Variants in TRIM27 observed in about 807,000 individuals in gnomAD.
TRIM27 encodes the protein tripartite motif containing 27, also known as zinc finger protein RFP.
TRIM27 carries 12 observed loss-of-function variants against 57.6 expected under a neutral mutation model. The ratio of observed to expected loss-of-function variants is 0.21; its 90% confidence interval spans 0.13 to 0.34. The LOEUF (loss-of-function observed/expected upper bound fraction) is 0.34. Ranked by LOEUF, TRIM27 falls within the 10% of genes least tolerant of loss-of-function variation. The pLI is 1.00. For missense variants in TRIM27, 403 were observed against 656.8 expected (o/e 0.61, Z 4.22); for synonymous variants, 266 against 259.0 (o/e 1.03, Z -0.26).
chr6:28,911,767 C>T (rs750227731), intron 3 of TRIM27, 49 bp from the exon 4 acceptor site: 28 of 1,595,932 alleles, frequency 1.8e-5, no homozygotes, highest in South Asian at 5.7e-5. Context: ...TTTAAAACTT[C>T]GGTTTTCTTT....
chr6:28,909,947 G>A (rs774778603), intron 4 of TRIM27, among the ~76,000 whole-genome samples: 1 of 152,016 alleles, frequency 6.6e-6, no homozygotes, highest in African/African-American at 2.4e-5. Context: ...GAAGTAAGAC[G>A]TATCTCATGG....
At chr6:28,906,266 T>G (rs1772762365) in intron 7 of TRIM27, 1 of 152,046 alleles carries the variant, frequency 6.6e-6, no homozygotes, top group South Asian at 2.1e-4. Flanking sequence ...CTGATATGTA[T>G]TCTCTCATTT....
At chr6:28,909,910 A>AC (rs901115089) in intron 4 of TRIM27, among the ~76,000 whole-genome samples, 1 of 152,032 alleles carries the variant, frequency 6.6e-6, no homozygotes, top group African/African-American at 2.4e-5. Flanking sequence ...GCTAGATGTG[A>AC]CCTTGTGACT....
chr6:28,920,849 G>T (rs1037161097), intron 2 of TRIM27, among the ~76,000 whole-genome samples: 1 of 152,128 alleles, frequency 6.6e-6, no homozygotes, highest in African/African-American at 2.4e-5. Flanking sequence ...ATGGAGGATG[G>T]AACAACCAAT....
At chr6:28,908,297 T>G (rs1227005172) in intron 6 of TRIM27, 1 of 157,804 alleles carries the variant, frequency 6.3e-6, no homozygotes, top group East Asian at 1.8e-4. Context: ...AGGAAATTAC[T>G]TGTTGAATCC....
At position 28,908,697 on chromosome 6, in the gene TRIM27, G is replaced by C. The variant is rs1410319075; in HGVS notation, c.919+111C>G. 5 of 906,452 alleles carry C rather than the reference G, an allele frequency of 5.5e-6. No individual in the cohort carries two copies. The Admixed American group carries it at 7.6e-5, about 14-fold the overall frequency. 56.2% of individuals were successfully genotyped at this position (906,452 alleles called of 1,614,324 possible). A position where few individuals can be genotyped will look rare whatever the true frequency, so the allele number is the denominator to read the frequency against. On this transcript the variant is annotated intron_variant, in intron 6 of 7. Transcript: ENST00000377199. Reference sequence around the variant, plus strand: ...CCAAAGGGAAGATGTAAAATATCAGGGAAGGCTGGCCAATGGGTATCACCC... The same window carrying C: ...CCAAAGGGAAGATGTAAAATATCAGCGAAGGCTGGCCAATGGGTATCACCC...
intron 7 of TRIM27, chr6:28,906,553 G>C (rs928274893): frequency 6.6e-6 from 1 of 152,124 alleles, no homozygotes; most frequent in East Asian, 1.9e-4. Flanking sequence ...AGGCAGTGTA[G>C]GATACAAGCA....
chr6:28,919,815 TG>T (rs1298724893), intron 3 of TRIM27, among the ~76,000 whole-genome samples, 196 bp downstream of exon 3: 1 of 152,228 alleles, frequency 6.6e-6, no homozygotes, highest in Non-Finnish European at 1.5e-5. Context: ...ACAACGCAAT[TG>T]ACTAATTCAA....
rs757070636 is a variant in TRIM27, at chr6:28,908,992, C to T, written c.867G>A (p.Glu289=). 1 of 1,613,894 alleles carries T rather than the reference C, an allele frequency of 6.2e-7. No individual in the cohort carries two copies. The highest frequency in any genetic ancestry group is 1.1e-5 in the South Asian group (1 of 91,024). The part of the protein sequence containing the change: ...IFAQKCLFLT[E]SLKQFTEKMQ... Reference sequence around the variant, plus strand: ...CATTACCTGTGAACTGCTTTAGACTCTCCGTCAAGAATAGACATTTTTGGG... The same window carrying T: ...CATTACCTGTGAACTGCTTTAGACTTTCCGTCAAGAATAGACATTTTTGGG... The change falls in exon 5 of 8, where the codon GAG becomes GAA. Residue 289 remains glutamate, a synonymous_variant. Coordinates refer to ENST00000377199, the MANE Select transcript of TRIM27 (RefSeq NM_006510.5).
At chr6:28,914,871 T>C (rs1413559871) in intron 3 of TRIM27, 3 of 152,154 alleles carry the variant, frequency 2.0e-5, no homozygotes, top group African/African-American at 4.8e-5. Flanking sequence ...ATAAATTTAT[T>C]CCCAGATATT....
At chr6:28,922,331 T>C (rs929657601) in intron 1 of TRIM27, among the ~76,000 whole-genome samples, 4 of 152,206 alleles carry the variant, frequency 2.6e-5, no homozygotes, top group African/African-American at 9.6e-5. Context: ...AACTATGTTG[T>C]ATTGTAGCTC....
chr6:28,915,762 G>A (rs1271653570), intron 3 of TRIM27: 1 of 152,128 alleles, frequency 6.6e-6, no homozygotes, highest in Non-Finnish European at 1.5e-5. Context: ...AATGTTCACA[G>A]CAGCACTATT....
Position 28,904,864 on chromosome 6 carries a change from A to G in TRIM27, c.947-199T>C. 1.8e-6 allele frequency: 1 copy of G among 567,908 alleles called. No individual in the cohort carries two copies. Among genetic ancestry groups the G allele is most frequent in the South Asian group, 2.5e-5 (1 of 39,430 alleles). 35.2% of individuals were successfully genotyped at this position (567,908 alleles called of 1,614,324 possible). ...GGTTACCAGAATACTCTGAAAATACAGAATTTTAGCCCCGTATCTTTTCTT... is the reference window on the plus strand; with the variant it reads ...GGTTACCAGAATACTCTGAAAATACGGAATTTTAGCCCCGTATCTTTTCTT... On this transcript the variant is annotated intron_variant, in intron 7 of 7. Transcript: ENST00000377199. This position sits in a 1 kb window ranked among gnomAD's most constrained non-coding sequence, Gnocchi z 6.1.
chr6:28,903,222 G>T lies in TRIM27; in HGVS notation c.*848C>A. The T allele has an allele frequency of 4.3e-6, 1 of 232,904 alleles. No individual in the cohort carries two copies. Among genetic ancestry groups the T allele is most frequent in the Non-Finnish European group, 8.5e-6 (1 of 117,872 alleles). The allele number at this position is 232,904 out of a possible 1,614,324, so 14.4% of individuals were successfully genotyped here. A position where few individuals can be genotyped will look rare whatever the true frequency, so the allele number is the denominator to read the frequency against. On this transcript the variant is annotated 3_prime_UTR_variant, in exon 8 of 8. Coordinates refer to ENST00000377199, the MANE Select transcript of TRIM27 (RefSeq NM_006510.5). ...CCCCCAAAGGAAATGGAGAAAAGGA[G>T]CCAAGAAGTCAATGAATCCCTGGAA...
intron 4 of TRIM27, among the ~76,000 whole-genome samples, chr6:28,910,122 T>TAAA (rs1773074924): frequency 1.4e-4 from 2 of 13,878 alleles, no homozygotes; most frequent in African/African-American, 4.6e-4. Context: ...AAAAGAAAAA[T>TAAA]GAAAAAAAAA....
intron 1 of TRIM27, among the ~76,000 whole-genome samples, 155 bp from the exon 2 acceptor site, chr6:28,922,142 C>G (rs945929494): frequency 1.3e-5 from 2 of 152,126 alleles, no homozygotes; most frequent in African/African-American, 2.4e-5. Context: ...AGACTCAGGG[C>G]GCAGGGGCAA....
At chr6:28,905,422 C>G (rs1356317731) in intron 7 of TRIM27, 1 of 152,094 alleles carries the variant, frequency 6.6e-6, no homozygotes, top group African/African-American at 2.4e-5. Flanking sequence ...GGTTTTGATG[C>G]TATAATTAAT....
chr6:28,915,736 TCTA>T (rs1290193716), intron 3 of TRIM27: 2 of 152,260 alleles, frequency 1.3e-5, no homozygotes, highest in Non-Finnish European at 2.9e-5. Context: ...TGAACCATTT[TCTA>T]CTTTTTGTGT....
At chr6:28,909,109 TA>T in intron 4 of TRIM27, 21 bp from the exon 5 acceptor site, 1 of 1,554,354 alleles carries the variant, frequency 6.4e-7, no homozygotes, top group Non-Finnish European at 8.8e-7. Context: ...AAAACATGAG[TA>T]AATTTTTTTT....
Sources: allele counts gnomAD v4.1 joint callset (sites outside exome capture counted in the v4.1 genomes callset), GRCh38; gene constraint gnomAD v4.1.1; non-coding constraint Gnocchi (gnomAD v3.1); transcripts MANE v1.5; gene names NCBI Gene and HGNC (gene_info 2026-07-23, HGNC 2026-07-21).